TAOK3: variants seen among roughly 807,000 people sequenced by gnomAD.
TAOK3 encodes the protein TAO kinase 3, also known as serine/threonine-protein kinase TAO3.
In TAOK3, 40 loss-of-function variants were observed where a neutral mutation model predicts 120.4. The observed-to-expected ratio is 0.33, with a 90% CI of 0.26 to 0.43. The LOEUF (loss-of-function observed/expected upper bound fraction) is 0.43, where lower values mean the gene tolerates loss of function less well. TAOK3 is among the 20% of genes least tolerant of loss of function. The pLI is 1.00. For synonymous variants in TAOK3, 355 were observed against 387.5 expected, an observed-to-expected ratio of 0.92 and a Z score of 0.99; for missense variants, 821 against 1,112.1, an observed-to-expected ratio of 0.74 and a Z score of 3.72.
intron 3 of TAOK3, among the ~76,000 whole-genome samples, chr12:118,250,375 A>G (rs1046103487): frequency 3.3e-5 from 5 of 152,212 alleles, no homozygotes; most frequent in Admixed American, 6.5e-5. Context: ...GATTGATTTT[A>G]CAAGAGCTGT....
intron 1 of TAOK3, among the ~76,000 whole-genome samples, chr12:118,327,495 A>T (rs2043981894): frequency 6.6e-6 from 1 of 152,204 alleles, no homozygotes; most frequent in Non-Finnish European, 1.5e-5. Context: ...GTGAAGGAAA[A>T]TGTTTAAACA....
In TAOK3 at chr12:118,160,289, G is replaced by A. The variant is rs765838389; in HGVS notation, c.2209C>T (p.Leu737Phe). Residue 737 changes from leucine (L) to phenylalanine (F), a missense_variant, in exon 19 of 21, where the codon CTC becomes TTC. Leu to Phe is a conservative substitution (Grantham distance 22). Coordinates refer to ENST00000392533, the MANE Select transcript of TAOK3 (RefSeq NM_016281.4). The surrounding 1 kb of genome is among the most constrained non-coding windows in gnomAD (Gnocchi z 4.2). ...CKVQTKQYKA[L>F]KNHQLEVTPK... ...GTAACTTCCAACTGGTGATTCTTGA[G>A]TGCTTTATACTGTTTGGTCTGTACT... is the stretch of plus-strand genomic sequence containing the variant. The A allele has an allele frequency of 1.1e-5, 17 of 1,614,016 alleles. No homozygotes were observed. The highest frequency in any genetic ancestry group is 1.4e-5 in the Non-Finnish European group (16 of 1,180,014).
intron 9 of TAOK3, among the ~76,000 whole-genome samples, chr12:118,226,561 T>C (rs2039519380): frequency 6.6e-6 from 1 of 151,838 alleles, no homozygotes; most frequent in Non-Finnish European, 1.5e-5. Flanking sequence ...ATTTACAGAC[T>C]TGAGATAATT....
intron 9 of TAOK3, among the ~76,000 whole-genome samples, chr12:118,216,153 G>A (rs909892958): frequency 9.2e-5 from 14 of 151,918 alleles, no homozygotes; most frequent in African/African-American, 3.4e-4. Context: ...GGCTGAGATC[G>A]GCCCCTGCAC....
chr12:118,268,480 T>G (rs2041553780), intron 1 of TAOK3, among the ~76,000 whole-genome samples: 1 of 152,234 alleles, frequency 6.6e-6, no homozygotes, highest in Non-Finnish European at 1.5e-5. Flanking sequence ...AGTTATAAAC[T>G]GAACGTTTTC....
At chr12:118,313,362 C>T (rs547697203) in intron 1 of TAOK3, among the ~76,000 whole-genome samples, 40 of 151,970 alleles carry the variant, frequency 2.6e-4, no homozygotes, top group Non-Finnish European at 4.3e-4. Flanking sequence ...CTGCAACCTC[C>T]GCCTCCTGGG....
In TAOK3 at chr12:118,217,841, A is replaced by G. The variant is rs1392134115; in HGVS notation, c.644-3731T>C. 1.0e-3 allele frequency among the ~76,000 whole-genome samples: 107 copies of G among 106,092 alleles called. 7 individuals carry two copies. The highest frequency in any genetic ancestry group is 4.6e-3 in the East Asian group (14 of 3,052). 69.6% of individuals were successfully genotyped at this position (106,092 alleles called of 152,430 possible). The stretch of plus-strand genomic sequence containing the variant: ...CATATATATATATATATATATATAT[A>G]TATATATATATATATATATACACTT... On this transcript the variant is annotated intron_variant, in intron 9 of 20. Coordinates refer to ENST00000392533, the MANE Select transcript of TAOK3 (RefSeq NM_016281.4).
chr12:118,324,350 T>TA (rs1253483854), intron 1 of TAOK3, among the ~76,000 whole-genome samples: 1 of 152,200 alleles, frequency 6.6e-6, no homozygotes, highest in Non-Finnish European at 1.5e-5. Flanking sequence ...ACAATATAGA[T>TA]ACATATCAAG....
intron 14 of TAOK3, among the ~76,000 whole-genome samples, chr12:118,189,387 T>A (rs1476113188): frequency 6.6e-6 from 1 of 152,168 alleles, no homozygotes; most frequent in African/African-American, 2.4e-5. Flanking sequence ...GTGCCGTGCA[T>A]ACATATACAT....
At chr12:118,225,430 T>C (rs1157988994) in intron 9 of TAOK3, among the ~76,000 whole-genome samples, 1 of 151,996 alleles carries the variant, frequency 6.6e-6, no homozygotes, top group African/African-American at 2.4e-5. Context: ...TACATGTCCA[T>C]TAGCAAAATT....
intron 19 of TAOK3, among the ~76,000 whole-genome samples, chr12:118,154,567 G>T (rs969751928): frequency 6.6e-6 from 1 of 152,042 alleles, no homozygotes; most frequent in African/African-American, 2.4e-5. Context: ...ATCCTCCCGA[G>T]TAGCTGAGAT....
At chr12:118,209,415 T>G (rs953067754) in intron 11 of TAOK3, among the ~76,000 whole-genome samples, 1 of 152,144 alleles carries the variant, frequency 6.6e-6, no homozygotes, top group African/African-American at 2.4e-5. Context: ...CTTCTCTTAT[T>G]ATTTTTTGAG....
intron 2 of TAOK3, among the ~76,000 whole-genome samples, chr12:118,263,384 A>G (rs1368721654): frequency 1.3e-5 from 2 of 152,214 alleles, no homozygotes; most frequent in African/African-American, 4.8e-5. Flanking sequence ...CAATAATAAA[A>G]CTTCTAGACG....
chr12:118,213,874 GT>G, intron 10 of TAOK3, 142 bp downstream of exon 10: 1 of 701,418 alleles, frequency 1.4e-6, no homozygotes, highest in Non-Finnish European at 2.4e-6. Flanking sequence ...GTTGATGCTT[GT>G]GAGGCATCAG....
At chr12:118,227,108 A>G (rs954744249) in intron 9 of TAOK3, among the ~76,000 whole-genome samples, 2 of 152,004 alleles carry the variant, frequency 1.3e-5, no homozygotes, top group Non-Finnish European at 1.5e-5. Flanking sequence ...AAAACTAGTT[A>G]AAAAATGGGT....
At chr12:118,225,431 T>C (rs1207587104) in intron 9 of TAOK3, among the ~76,000 whole-genome samples, 1 of 151,962 alleles carries the variant, frequency 6.6e-6, no homozygotes, top group African/African-American at 2.4e-5. Context: ...ACATGTCCAT[T>C]AGCAAAATTA....
chr12:118,168,759 A>C (rs1014391363), intron 17 of TAOK3, among the ~76,000 whole-genome samples: 9 of 152,194 alleles, frequency 5.9e-5, no homozygotes, highest in Non-Finnish European at 1.3e-4. Flanking sequence ...GGGAGTAATT[A>C]TCTTCTGTAA....
chr12:118,229,787 C>T (rs1042543110), intron 9 of TAOK3, among the ~76,000 whole-genome samples: 1 of 151,916 alleles, frequency 6.6e-6, no homozygotes, highest in Non-Finnish European at 1.5e-5. Flanking sequence ...AAAAATTAGC[C>T]AGGCGTGGCG....
chr12:118,284,618 G>A (rs2042201938), intron 1 of TAOK3, among the ~76,000 whole-genome samples: 2 of 152,278 alleles, frequency 1.3e-5, no homozygotes, highest in Middle Eastern at 3.4e-3. Context: ...CATACAGGTA[G>A]AGATATAAAG....
Sources: gnomAD v4.1 joint callset for allele counts (sites outside exome capture counted in the v4.1 genomes callset) on GRCh38, gnomAD v4.1.1 for gene constraint, Gnocchi (gnomAD v3.1) non-coding constraint, MANE v1.5 for transcripts, NCBI Gene and HGNC (gene_info 2026-07-23, HGNC 2026-07-21) for gene names.